KLHL1: variants seen among roughly 807,000 people sequenced by gnomAD.
KLHL1 encodes the protein kelch-like protein 1.
A neutral mutation model predicts 77.7 loss-of-function variants in KLHL1; 47 were observed. The observed-to-expected ratio is 0.60, with a 90% CI of 0.48 to 0.77. The LOEUF is 0.77. Among genes scored for constraint, KLHL1 ranks in the 30% least tolerant of loss-of-function variants. The pLI is 0.00. For synonymous variants in KLHL1, 360 were observed against 325.2 expected (o/e 1.11, Z -1.15); for missense variants, 925 against 910.8 (o/e 1.02, Z -0.20).
chr13:70,006,368 T>A (rs181140219), intron 1 of KLHL1, among the ~76,000 whole-genome samples: 2 of 152,154 alleles, frequency 1.3e-5, no homozygotes, highest in Admixed American at 1.3e-4. Flanking sequence ...TTTGGTTTGC[T>A]AGTAATTAGT....
intron 6 of KLHL1, among the ~76,000 whole-genome samples, chr13:69,801,804 C>A (rs188186661): frequency 6.8e-4 from 104 of 152,184 alleles, no homozygotes; most frequent in Middle Eastern, 3.4e-3. Context: ...GTAGTAATAT[C>A]AAATTTTGAT....
chr13:69,934,983 TATATATGTATATATATAC>T (rs954539456), intron 4 of KLHL1, among the ~76,000 whole-genome samples: 4 of 135,350 alleles, frequency 3.0e-5, no homozygotes, highest in African/African-American at 1.2e-4. Context: ...TATATATATA[TATATATGTATATATATAC>T]ATATTATCAT....
intron 1 of KLHL1, among the ~76,000 whole-genome samples, chr13:70,071,653 TTAAAA>T (rs1408221032): frequency 6.6e-6 from 1 of 151,522 alleles, no homozygotes; most frequent in Non-Finnish European, 1.5e-5. Flanking sequence ...CACAATGTAA[TTAAAA>T]TAAAAGTCAA....
At position 69,944,978 on chromosome 13, in the gene KLHL1, C is replaced by CTT. The variant is rs750774784; in HGVS notation, c.818-4744_818-4743dup. Among the ~76,000 whole-genome samples, 176 of 79,838 alleles carry CTT rather than the reference C, an allele frequency of 2.2e-3. 2 individuals carry two copies. Among genetic ancestry groups the CTT allele is most frequent in the Admixed American group, 3.0e-3 (18 of 5,982 alleles). 52.4% of individuals were successfully genotyped at this position (79,838 alleles called of 152,430 possible). ...ATTCAAACATTAAACTATAAAACTT[C>CTT]TTTTTTTTTTTTTTTTTTTTTTTTT... On this transcript the variant is annotated intron_variant, in intron 3 of 10. Transcript: ENST00000377844.
chr13:69,813,503 C>CACACACACACATAT lies in KLHL1; in HGVS notation c.1415-16542_1415-16541insATATGTGTGTGTGT, dbSNP rs34163072. Among the ~76,000 whole-genome samples the CACACACACACATAT allele has an allele frequency of 5.0e-3, 746 of 148,866 alleles. 5 individuals are homozygous for CACACACACACATAT. The highest frequency in any genetic ancestry group is 0.017 in the African/African-American group (678 of 40,186). ...ACATACACACACACACACACACACA[C>CACACACACACATAT]ATATATATATATATAAAGACCCTAG... On this transcript the variant is annotated intron_variant, in intron 6 of 10. Transcript: ENST00000377844.
At chr13:69,821,043 A>G (rs61703547) in intron 6 of KLHL1, among the ~76,000 whole-genome samples, 29,641 of 152,140 alleles carry the variant, frequency 0.19, 3,916 homozygotes, top group African/African-American at 0.37. Context: ...ACAGGTAAAC[A>G]AATAGGTGAA....
chr13:69,827,457 C>T (rs1194441348), intron 6 of KLHL1, among the ~76,000 whole-genome samples: 4 of 151,954 alleles, frequency 2.6e-5, no homozygotes, highest in Non-Finnish European at 5.9e-5. Flanking sequence ...AGTGTCAGGG[C>T]ATGGTGGCTC....
intron 1 of KLHL1, among the ~76,000 whole-genome samples, chr13:70,057,646 G>C (rs1445903681): frequency 6.7e-6 from 1 of 149,736 alleles, no homozygotes; most frequent in East Asian, 2.0e-4. Context: ...TGCGGTGGCG[G>C]GCGCCTGTAG....
intron 7 of KLHL1, among the ~76,000 whole-genome samples, chr13:69,767,271 A>G (rs1000896377): frequency 6.6e-6 from 1 of 152,260 alleles, no homozygotes; most frequent in Non-Finnish European, 1.5e-5. Context: ...AATTAAAAAC[A>G]TGTACATAAA....
At chr13:69,757,153 A>G (rs548251192) in intron 7 of KLHL1, among the ~76,000 whole-genome samples, 8 of 152,124 alleles carry the variant, frequency 5.3e-5, no homozygotes, top group African/African-American at 1.9e-4. Context: ...AAGAATACTT[A>G]TCAGAGTCCT....
In KLHL1 at chr13:69,719,358, T is replaced by TG. The variant is rs2137893683; in HGVS notation, c.2015+10dup. ...GTCTCTTTCGCTGTAACAGTGTCCT[T>TG]GGGGTCTTACCTTTCTACATAATCC... On this transcript the variant is annotated intron_variant, in intron 9 of 10. Coordinates refer to ENST00000377844, the MANE Select transcript of KLHL1 (RefSeq NM_020866.3). 2 of 1,610,748 alleles carry TG rather than the reference T, an allele frequency of 1.2e-6. No individual in the cohort carries two copies. The highest frequency in any genetic ancestry group is 1.3e-5 in the African/African-American group (1 of 74,904).
chr13:69,749,602 A>T (rs1458393552), intron 7 of KLHL1, among the ~76,000 whole-genome samples: 1 of 152,000 alleles, frequency 6.6e-6, no homozygotes, highest in Non-Finnish European at 1.5e-5. Context: ...AACATGGCAC[A>T]TGTTAAAATC....
At chr13:69,857,109 G>T (rs1035700523) in intron 5 of KLHL1, among the ~76,000 whole-genome samples, 3 of 151,952 alleles carry the variant, frequency 2.0e-5, no homozygotes, top group African/African-American at 7.2e-5. Flanking sequence ...TTCTTATAGT[G>T]TATTCTTTCA....
chr13:69,722,345 A>T (rs1204201179), intron 8 of KLHL1, among the ~76,000 whole-genome samples: 2 of 152,064 alleles, frequency 1.3e-5, no homozygotes, highest in East Asian at 3.9e-4. Context: ...TTATATATAA[A>T]TATATACCTA....
intron 1 of KLHL1, among the ~76,000 whole-genome samples, chr13:70,051,677 C>CT (rs1886633613): frequency 1.3e-5 from 2 of 151,960 alleles, no homozygotes; most frequent in Admixed American, 1.3e-4. Flanking sequence ...CATGATAAAG[C>CT]AGCTGCAGGA....
In KLHL1 at chr13:69,731,874, G is replaced by A. The variant is rs150991125; in HGVS notation, c.1802+8520C>T. Among the ~76,000 whole-genome samples, 942 of 152,084 alleles carry A rather than the reference G, an allele frequency of 6.2e-3. 8 individuals are homozygous for A. Among genetic ancestry groups the A allele is most frequent in the African/African-American group, 0.021 (887 of 41,520 alleles). On this transcript the variant is annotated intron_variant, in intron 8 of 10. Transcript: ENST00000377844. The stretch of plus-strand genomic sequence containing the variant: ...TATGTGACAGGGAAAATCACAAGTA[G>A]TAAATAGAAAAACAAAGTAAAACAA...
In KLHL1 at chr13:69,810,429, C is replaced by G. The variant is rs1877822307; in HGVS notation, c.1415-13467G>C. Among the ~76,000 whole-genome samples the G allele has an allele frequency of 2.0e-5, 3 of 151,966 alleles. No individual in the cohort carries two copies. In the South Asian group the frequency reaches 6.2e-4, roughly 32 times the overall value. On this transcript the variant is annotated intron_variant, in intron 6 of 10. Transcript: ENST00000377844. The stretch of plus-strand genomic sequence containing the variant: ...TACATGTATATTAAACAACTTGCCC[C>G]TGAATGACTTTTGGTTAAAAAACAA...
At chr13:70,090,893 T>G (rs966609818) in intron 1 of KLHL1, among the ~76,000 whole-genome samples, 5 of 152,110 alleles carry the variant, frequency 3.3e-5, no homozygotes, top group African/African-American at 1.2e-4. Flanking sequence ...GAAAAACACA[T>G]CTATGAAATA....
chr13:69,879,562 GAATCCAAGAGCAGCAAAA>G (rs1880905156), intron 5 of KLHL1, among the ~76,000 whole-genome samples: 2 of 152,094 alleles, frequency 1.3e-5, no homozygotes, highest in Admixed American at 1.3e-4. Flanking sequence ...TTACGTTAAT[GAATCCAAGAGCAGCAAAA>G]AATGTTTCCT....
Sources: gnomAD v4.1 joint callset for allele counts (sites outside exome capture counted in the v4.1 genomes callset) on GRCh38, gnomAD v4.1.1 for gene constraint, MANE v1.5 for transcripts, NCBI Gene and HGNC (gene_info 2026-07-23, HGNC 2026-07-21) for gene names.